Variants in PTGS1 observed in about 807,000 individuals in gnomAD.
PTGS1 encodes the protein prostaglandin-endoperoxide synthase 1.
Under a neutral mutation model 63.0 loss-of-function variants are expected in PTGS1, and 40 were observed. The observed-to-expected ratio is 0.63, with a 90% CI of 0.49 to 0.83. The LOEUF is 0.83. PTGS1 is among the 40% of genes least tolerant of loss of function. PTGS1 has a pLI of 0.00. For missense variants in PTGS1, 709 were observed against 786.5 expected (o/e 0.90, Z 1.18); for synonymous variants, 298 against 301.9 (o/e 0.99, Z 0.13).
At position 122,386,677 on chromosome 9, in the gene PTGS1, T is replaced by C. The variant is rs1223551673; in HGVS notation, c.1241T>C (p.Val414Ala). The C allele has an allele frequency of 6.2e-7, 1 of 1,614,184 alleles. No homozygotes were observed. The highest frequency in any genetic ancestry group is 2.2e-5 in the East Asian group (1 of 44,874). ...TTCTTGTTCAACACCTCCATGTTGGTGGACTATGGGGTTGAGGCCCTGGTG... is the reference window on the plus strand; with the variant it reads ...TTCTTGTTCAACACCTCCATGTTGGCGGACTATGGGGTTGAGGCCCTGGTG... Reference protein sequence around the residue: ...EQFLFNTSMLVDYGVEALVDA... With the variant: ...EQFLFNTSMLADYGVEALVDA... Residue 414 changes from valine to alanine, a missense_variant, in exon 9 of 11, where the codon GTG becomes GCG. Physicochemically the swap from Val to Ala is moderately conservative, Grantham distance 64 (BLOSUM62 0). Transcript: ENST00000362012.
chr9:122,377,475 C>G (rs78673770), intron 2 of PTGS1, among the ~76,000 whole-genome samples: 6 of 151,584 alleles, frequency 4.0e-5, no homozygotes, highest in East Asian at 1.9e-4. Context: ...ACCGCCCCCC[C>G]ACCCCCCGCC....
chr9:122,382,060 A>G (rs1837561465), intron 7 of PTGS1, among the ~76,000 whole-genome samples: 1 of 152,220 alleles, frequency 6.6e-6, no homozygotes, highest in Non-Finnish European at 1.5e-5. Context: ...TACCTGGCAC[A>G]GGTGATTGAG....
chr9:122,380,250 G>T (rs369978005), intron 5 of PTGS1, among the ~76,000 whole-genome samples: 109 of 152,104 alleles, frequency 7.2e-4, no homozygotes, highest in South Asian at 3.5e-3. Flanking sequence ...GATTGCTTGA[G>T]CTCAGGAGTT....
chr9:122,392,664 TG>T lies in PTGS1; in HGVS notation c.*121del, dbSNP rs2119199185. 1 of 840,924 alleles carries T rather than the reference TG, an allele frequency of 1.2e-6. No individual in the cohort carries two copies. Among genetic ancestry groups the T allele is most frequent in the South Asian group, 1.8e-5 (1 of 54,642 alleles). 52.1% of individuals were successfully genotyped at this position (840,924 alleles called of 1,614,324 possible). ...GGTTTGGCATGGTGAGTGTTGGGGT[TG>T]ACATTTAGAACTTTAAGTCTCACCC... On this transcript the variant is annotated 3_prime_UTR_variant, in exon 11 of 11. Coordinates refer to ENST00000362012, the MANE Select transcript of PTGS1 (RefSeq NM_000962.4).
At chr9:122,385,697 C>T (rs1677923023) in intron 8 of PTGS1, among the ~76,000 whole-genome samples, 1 of 152,006 alleles carries the variant, frequency 6.6e-6, no homozygotes, top group South Asian at 2.1e-4. Flanking sequence ...TGAGTGGTCT[C>T]CTTGAAGTCC....
intron 7 of PTGS1, among the ~76,000 whole-genome samples, chr9:122,382,093 GC>G (rs1440000994): frequency 6.6e-6 from 1 of 152,116 alleles, no homozygotes; most frequent in African/African-American, 2.4e-5. Flanking sequence ...TAGTTAATGG[GC>G]CCTGCCCTCA....
chr9:122,394,986 T>C lies in PTGS1; in HGVS notation c.*2442T>C. ...ATGGCCTGGAGGGACTTTTAATCAG[T>C]GAAGATGCAATCAGACAAGTGTTTT... On this transcript the variant is annotated 3_prime_UTR_variant, in exon 11 of 11. Transcript: ENST00000362012. The C allele has an allele frequency of 6.6e-6, 1 of 152,014 alleles. No homozygotes were observed. The highest frequency in any genetic ancestry group is 1.9e-4 in the East Asian group (1 of 5,166). The allele number at this position is 152,014 out of a possible 1,614,324, so 9.4% of individuals were successfully genotyped here. A position where few individuals can be genotyped will look rare whatever the true frequency, so the allele number is the denominator to read the frequency against.
chr9:122,381,533 C>T lies in PTGS1; in HGVS notation c.659C>T (p.Thr220Ile), dbSNP rs199508392. The T allele has an allele frequency of 4.3e-6, 7 of 1,614,194 alleles. No homozygotes were observed. In the East Asian group the frequency reaches 6.7e-5, roughly 15 times the overall value. Residue 220 changes from threonine (T) to isoleucine (I), a missense_variant, in exon 6 of 11, where the codon ACC becomes ATC. By Grantham distance (89) the Thr-to-Ile change is moderately conservative. Coordinates refer to ENST00000362012, the MANE Select transcript of PTGS1 (RefSeq NM_000962.4). ...KTSGKMGPGF[T>I]KALGHGVDLG... ...TCTGGCAAGATGGGTCCTGGCTTCA[C>T]CAAGGCCTTGGGCCATGGGGTGAGT...
intron 2 of PTGS1, 139 bp downstream of exon 2, chr9:122,371,411 T>C (rs1836800055): frequency 2.1e-6 from 3 of 1,414,460 alleles, no homozygotes; most frequent in East Asian, 2.5e-5. Flanking sequence ...CTGAGTCTTT[T>C]GGTGGGATGG....
chr9:122,391,424 TATAC>T (rs1225212812), intron 10 of PTGS1, among the ~76,000 whole-genome samples: 6 of 29,252 alleles, frequency 2.1e-4, no homozygotes, highest in Non-Finnish European at 2.9e-4. Flanking sequence ...TATATATATA[TATAC>T]ATATATATAT....
intron 9 of PTGS1, among the ~76,000 whole-genome samples, chr9:122,389,671 G>A (rs575039612): frequency 1.1e-4 from 16 of 152,108 alleles, no homozygotes; most frequent in Non-Finnish European, 2.1e-4. Flanking sequence ...AGATGAGGAA[G>A]CTGCCGGATG....
chr9:122,387,429 G>A (rs1323578693), intron 9 of PTGS1, among the ~76,000 whole-genome samples: 5 of 152,168 alleles, frequency 3.3e-5, no homozygotes, highest in African/African-American at 1.2e-4. Context: ...AAGTTCGTAT[G>A]TTGAAATCCT....
intron 2 of PTGS1, among the ~76,000 whole-genome samples, chr9:122,373,694 G>T (rs1195415920): frequency 6.6e-6 from 1 of 152,232 alleles, no homozygotes; most frequent in Non-Finnish European, 1.5e-5. Context: ...CTGCCCGGGT[G>T]CCTGCACCTG....
intron 8 of PTGS1, 126 bp downstream of exon 8, chr9:122,383,881 A>C: frequency 7.4e-7 from 1 of 1,351,474 alleles, no homozygotes; most frequent in African/African-American, 1.4e-5. Context: ...AGTGGCTAGA[A>C]GACCTTGAGC....
At position 122,371,062 on chromosome 9, in the gene PTGS1, TC is replaced by T; in HGVS notation, c.-20del. ...CACGCACAGGAGCCTGCACTCTGCG[TC>T]CCGCACCCCAGCAGCCGCGCCATGA... On this transcript the variant is annotated 5_prime_UTR_variant, in exon 1 of 11. Transcript: ENST00000362012. 1 of 1,590,370 alleles carries T rather than the reference TC, an allele frequency of 6.3e-7. No homozygotes were observed.
upstream of PTGS1, chr9:122,370,832 G>A: frequency 1.6e-6 from 1 of 611,748 alleles, no homozygotes; most frequent in Non-Finnish European, 2.9e-6. Context: ...GTGCCACCAG[G>A]CATCAGAAAC....
At chr9:122,371,514 T>C (rs1213057157) in intron 2 of PTGS1, 23 of 1,336,590 alleles carry the variant, frequency 1.7e-5, no homozygotes, top group African/African-American at 7.4e-5. Flanking sequence ...TGGTGCCAAC[T>C]TGGGGAGAAG....
At chr9:122,380,068 T>C (rs1837417086) in intron 5 of PTGS1, among the ~76,000 whole-genome samples, 1 of 152,206 alleles carries the variant, frequency 6.6e-6, no homozygotes, top group Non-Finnish European at 1.5e-5. Flanking sequence ...ATTGGCATCA[T>C]TTAAAATAGG....
At chr9:122,390,491 G>T (rs1276728063) in intron 10 of PTGS1, 146 bp downstream of exon 10, 1 of 1,013,658 alleles carries the variant, frequency 9.9e-7, no homozygotes, top group Non-Finnish European at 1.4e-6. Flanking sequence ...CTGTGCCAGG[G>T]TGGTAAATAA....
Sources: gnomAD v4.1 joint callset for allele counts (sites outside exome capture counted in the v4.1 genomes callset) on GRCh38, gnomAD v4.1.1 for gene constraint, MANE v1.5 for transcripts, NCBI Gene and HGNC (gene_info 2026-07-23, HGNC 2026-07-21) for gene names.